The following ARHGAP6 variants were observed in gnomAD, a reference collection of about 807,000 sequenced individuals.
The protein encoded by ARHGAP6 is Rho GTPase activating protein 6.
ARHGAP6 carries 16 observed loss-of-function variants against 55.7 expected under a neutral mutation model. The observed-to-expected ratio is 0.29, with a 90% CI of 0.19 to 0.44. ARHGAP6 has a LOEUF of 0.44. Among genes scored for constraint, ARHGAP6 ranks in the 20% least tolerant of loss-of-function variants. The pLI, the probability that ARHGAP6 is intolerant of heterozygous loss-of-function variation, is 1.00. For missense variants in ARHGAP6, 698 were observed against 808.9 expected (o/e 0.86, Z 1.66); for synonymous variants, 382 against 360.9 (o/e 1.06, Z -0.66).
intron 1 of ARHGAP6, among the ~76,000 whole-genome samples, chrX:11,519,856 A>T (rs1278262189): frequency 9.5e-6 from 1 of 104,935 alleles, no homozygotes; most frequent in Admixed American, 1.1e-4. Context: ...TTAAAGATTT[A>T]AACGTTAGAC....
intron 1 of ARHGAP6, among the ~76,000 whole-genome samples, chrX:11,604,319 C>G (rs183166264): frequency 9.0e-6 from 1 of 111,442 alleles, no homozygotes; most frequent in East Asian, 2.8e-4. Context: ...CAAAAAGGGC[C>G]CAGATCAAGG....
At chrX:11,639,809 T>C (rs2052455611) in intron 1 of ARHGAP6, among the ~76,000 whole-genome samples, 2 of 110,176 alleles carry the variant, frequency 1.8e-5, no homozygotes, top group East Asian at 5.8e-4. Flanking sequence ...AGAAAGATAA[T>C]CACCAACCTG....
At position 11,144,633 on chromosome X, in the gene ARHGAP6, C is replaced by CTCTT. The variant is rs760005654; in HGVS notation, c.1908-389_1908-386dup. Among the ~76,000 whole-genome samples, 608 of 112,452 alleles carry CTCTT rather than the reference C, an allele frequency of 5.4e-3. 2 individuals carry two copies. Among genetic ancestry groups the CTCTT allele is most frequent in the Non-Finnish European group, 7.9e-3 (422 of 53,262 alleles). ...TAGGTAAGGATACACTAGTAGATAA[C>CTCTT]TCTTTCACTTTCCTCAATATCCTGC... On this transcript the variant is annotated intron_variant, in intron 10 of 12. Transcript: ENST00000337414.
chrX:11,358,485 C>CTTTCT (rs755054708), intron 1 of ARHGAP6, among the ~76,000 whole-genome samples: 51 of 39,477 alleles, frequency 1.3e-3, no homozygotes, highest in African/African-American at 3.8e-3. Context: ...TTCTTTCTTT[C>CTTTCT]TTTTTTTTTT....
At chrX:11,190,522 T>TACAC (rs3030651) in intron 3 of ARHGAP6, among the ~76,000 whole-genome samples, 1 of 104,333 alleles carries the variant, frequency 9.6e-6, no homozygotes, top group Non-Finnish European at 2.0e-5. Context: ...TACACATACA[T>TACAC]ACACACACAC....
At chrX:11,464,809 C>T (rs1034898611) in intron 1 of ARHGAP6, among the ~76,000 whole-genome samples, 7 of 111,984 alleles carry the variant, frequency 6.3e-5, no homozygotes, top group African/African-American at 2.3e-4. Flanking sequence ...AGTTAAATAC[C>T]TGGCCCTAAA....
intron 1 of ARHGAP6, among the ~76,000 whole-genome samples, chrX:11,602,980 A>T (rs2051995443): frequency 8.9e-6 from 1 of 112,003 alleles, no homozygotes; most frequent in African/African-American, 3.3e-5. Context: ...CTAAAGACTG[A>T]AAACCACTAA....
intron 1 of ARHGAP6, among the ~76,000 whole-genome samples, chrX:11,540,968 C>T (rs1260565100): frequency 8.9e-6 from 1 of 112,587 alleles, no homozygotes; most frequent in Non-Finnish European, 1.9e-5. Context: ...CTGTGAGCAG[C>T]TTGAAAACAG....
intron 1 of ARHGAP6, chrX:11,300,533 A>T: frequency 1.1e-6 from 1 of 879,443 alleles, no homozygotes; most frequent in Non-Finnish European, 1.7e-6. Context: ...CTGAAGCCAG[A>T]CATGTTATTG....
intron 9 of ARHGAP6, among the ~76,000 whole-genome samples, chrX:11,158,395 G>A (rs911804010): frequency 3.6e-5 from 4 of 112,005 alleles, no homozygotes; most frequent in Admixed American, 9.4e-5. Context: ...GATATCATCT[G>A]AGTCCCGGGA....
intron 2 of ARHGAP6, among the ~76,000 whole-genome samples, chrX:11,210,790 C>T (rs1009221293): frequency 3.6e-5 from 4 of 112,325 alleles, no homozygotes; most frequent in African/African-American, 1.3e-4. Flanking sequence ...GCATTTTAGA[C>T]TAGGAGTGGT....
chrX:11,531,748 C>T (rs905054783), intron 1 of ARHGAP6, among the ~76,000 whole-genome samples: 1 of 112,261 alleles, frequency 8.9e-6, no homozygotes, highest in African/African-American at 3.2e-5. Flanking sequence ...TTTATATCCT[C>T]ATTTTCTCCA....
At chrX:11,287,626 G>A (rs1038633234) in intron 1 of ARHGAP6, among the ~76,000 whole-genome samples, 3 of 111,742 alleles carry the variant, frequency 2.7e-5, no homozygotes, top group Admixed American at 9.5e-5. Context: ...CAGCCCATCT[G>A]CCATTGCCCT....
At chrX:11,420,174 C>G (rs947703125) in intron 1 of ARHGAP6, among the ~76,000 whole-genome samples, 2 of 111,758 alleles carry the variant, frequency 1.8e-5, no homozygotes, top group African/African-American at 6.5e-5. Flanking sequence ...ATATTCACAT[C>G]CAAGTAGTCA....
chrX:11,572,602 G>T (rs1020187175), intron 1 of ARHGAP6, among the ~76,000 whole-genome samples: 22 of 111,449 alleles, frequency 2.0e-4, no homozygotes, highest in Admixed American at 1.8e-3. Context: ...TGGACATTTG[G>T]GTTGGTTCCA....
Position 11,450,192 on chromosome X carries a change from A to G in ARHGAP6, c.589-195485T>C, listed in dbSNP as rs1379539417. ...TTTATGCTTGAAATCCCCTTTGTAG[A>G]ACAAATAATAAGTGTGTGTGTGTGT... is the stretch of plus-strand genomic sequence containing the variant. On this transcript the variant is annotated intron_variant, in intron 1 of 12. Coordinates refer to ENST00000337414, the MANE Select transcript of ARHGAP6 (RefSeq NM_013427.3). Among the ~76,000 whole-genome samples the G allele has an allele frequency of 1.2e-4, 12 of 102,415 alleles. No individual in the cohort carries two copies. The Admixed American group carries it at 1.2e-3, about 10-fold the overall frequency. The allele number at this position is 102,415 out of a possible 115,157, so 88.9% of individuals were successfully genotyped here.
At chrX:11,240,668 A>G (rs926127316) in intron 2 of ARHGAP6, among the ~76,000 whole-genome samples, 1 of 111,483 alleles carries the variant, frequency 9.0e-6, no homozygotes, top group African/African-American at 3.3e-5. Flanking sequence ...GCTAGGTGCT[A>G]TGAACCCAGA....
chrX:11,562,084 A>C (rs1396886329), intron 1 of ARHGAP6, among the ~76,000 whole-genome samples: 2 of 111,765 alleles, frequency 1.8e-5, no homozygotes, highest in Admixed American at 9.5e-5. Context: ...AGAGAGCAGG[A>C]GCTCATAGGA....
intron 1 of ARHGAP6, among the ~76,000 whole-genome samples, chrX:11,427,274 C>A (rs1303510059): frequency 8.9e-6 from 1 of 112,258 alleles, no homozygotes; most frequent in Non-Finnish European, 1.9e-5. Flanking sequence ...GAGGTGGTGG[C>A]GGAGTCCAGC....
Sources: allele counts gnomAD v4.1 joint callset (sites outside exome capture counted in the v4.1 genomes callset), GRCh38; gene constraint gnomAD v4.1.1; transcripts MANE v1.5; gene names NCBI Gene and HGNC (gene_info 2026-07-23, HGNC 2026-07-21).